Variants in TTC6 observed in about 807,000 individuals in gnomAD.
TTC6 encodes tetratricopeptide repeat domain 6.
TTC6 carries 172 observed loss-of-function variants against 210.4 expected under a neutral mutation model. The ratio of observed to expected loss-of-function variants is 0.82; its 90% confidence interval spans 0.72 to 0.93. The LOEUF (loss-of-function observed/expected upper bound fraction) is 0.93, where lower values mean the gene tolerates loss of function less well. Ranked by LOEUF, TTC6 falls within the 40% of genes least tolerant of loss-of-function variation. TTC6 has a pLI of 0.00. For missense variants in TTC6, 2,414 were observed against 2,318.1 expected (o/e 1.04, Z -0.85); for synonymous variants, 804 against 819.6 (o/e 0.98, Z 0.32).
chr14:37,622,612 G>T, exon 1 of TTC6: 1 of 1,534,876 alleles, frequency 6.5e-7, no homozygotes. Flanking sequence ...CACTTGGGAA[G>T]GGAGCGCGAA....
intron 25 of TTC6, among the ~76,000 whole-genome samples, chr14:37,813,421 G>A (rs1430866554): frequency 1.3e-5 from 2 of 152,186 alleles, no homozygotes; most frequent in Non-Finnish European, 2.9e-5. Context: ...GAGAGAGTGA[G>A]ATAGTGGAGG....
chr14:37,756,106 G>A (rs994978049), intron 14 of TTC6, among the ~76,000 whole-genome samples: 1 of 152,082 alleles, frequency 6.6e-6, no homozygotes, highest in African/African-American at 2.4e-5. Flanking sequence ...TATTCTCTTT[G>A]TAGCAATTGT....
At chr14:37,725,312 G>GTGTATATATA (rs1318506400) in intron 7 of TTC6, among the ~76,000 whole-genome samples, 8 of 33,912 alleles carry the variant, frequency 2.4e-4, no homozygotes, top group East Asian at 1.0e-3. Context: ...GTGTGTGTGT[G>GTGTATATATA]TATATATATA....
At chr14:37,728,745 G>A (rs909446337) in intron 7 of TTC6, among the ~76,000 whole-genome samples, 21 of 151,942 alleles carry the variant, frequency 1.4e-4, no homozygotes, top group African/African-American at 5.1e-4. Context: ...GTTCTCTTTT[G>A]TTAACTCCCT....
At chr14:37,740,424 C>A (rs2095915519) in intron 10 of TTC6, among the ~76,000 whole-genome samples, 1 of 152,068 alleles carries the variant, frequency 6.6e-6, no homozygotes, top group Admixed American at 6.6e-5. Context: ...CCAGACATCA[C>A]AAAATTTATT....
chr14:37,746,459 A>G (rs2095936303), intron 10 of TTC6, among the ~76,000 whole-genome samples: 1 of 152,360 alleles, frequency 6.6e-6, no homozygotes, highest in Non-Finnish European at 1.5e-5. Flanking sequence ...TGCAAGTTCT[A>G]GAACTCCACC....
At chr14:37,821,277 C>A (rs2096156445) in intron 26 of TTC6, among the ~76,000 whole-genome samples, 1 of 152,038 alleles carries the variant, frequency 6.6e-6, no homozygotes, top group African/African-American at 2.4e-5. Flanking sequence ...CCATGTTGGG[C>A]AAGCTGGTCT....
At chr14:37,761,074 C>G (rs575733652) in intron 14 of TTC6, among the ~76,000 whole-genome samples, 2 of 152,276 alleles carry the variant, frequency 1.3e-5, no homozygotes, top group Admixed American at 1.3e-4. Context: ...AAAAAGAACT[C>G]CTGCAGCTAG....
exon 7 of TTC6, chr14:37,724,919 A>T: frequency 6.6e-7 from 1 of 1,525,614 alleles, no homozygotes; most frequent in South Asian, 1.2e-5. Flanking sequence ...TCCAGAATTC[A>T]CGAAGTTGTT....
intron 1 of TTC6, among the ~76,000 whole-genome samples, chr14:37,649,392 C>G (rs182492999): frequency 6.6e-6 from 1 of 152,280 alleles, no homozygotes. Flanking sequence ...CCCTGGGGAG[C>G]TGGGTATAAG....
intron 14 of TTC6, among the ~76,000 whole-genome samples, chr14:37,765,621 T>G (rs1157830843): frequency 1.3e-5 from 2 of 152,142 alleles, no homozygotes; most frequent in Non-Finnish European, 2.9e-5. Context: ...ATTTACCTAT[T>G]CAGTACTTTT....
intron 14 of TTC6, among the ~76,000 whole-genome samples, chr14:37,780,028 A>G (rs2096049771): frequency 1.3e-5 from 2 of 152,236 alleles, no homozygotes; most frequent in Admixed American, 1.3e-4. Flanking sequence ...AAGTTGAAAC[A>G]AATGCAAAAG....
At chr14:37,663,200 G>A (rs2095740942) in intron 1 of TTC6, among the ~76,000 whole-genome samples, 1 of 152,068 alleles carries the variant, frequency 6.6e-6, no homozygotes, top group Admixed American at 6.6e-5. Flanking sequence ...TTCTTGGCAT[G>A]ACTGTTGTTG....
chr14:37,625,730 C>T lies in TTC6; in HGVS notation c.939+2727C>T, dbSNP rs151154108. 2.0e-5 allele frequency among the ~76,000 whole-genome samples: 3 copies of T among 152,208 alleles called. No individual in the cohort carries two copies. In the East Asian group the frequency reaches 5.8e-4, roughly 29 times the overall value. Reference sequence around the variant, plus strand: ...TCTTCCCTTTAGAAATCATAACTTGCAGCCACATAGCAATCCCTAGAGGGA... The same window carrying T: ...TCTTCCCTTTAGAAATCATAACTTGTAGCCACATAGCAATCCCTAGAGGGA... On this transcript the variant is annotated intron_variant, in intron 1 of 30. Coordinates refer to ENST00000553443, the Ensembl canonical transcript of TTC6.
intron 5 of TTC6, among the ~76,000 whole-genome samples, chr14:37,702,460 C>A (rs906373225): frequency 6.6e-6 from 1 of 152,092 alleles, no homozygotes; most frequent in Non-Finnish European, 1.5e-5. Context: ...ACACTGTGCT[C>A]CCCCGACCCA....
At chr14:37,779,369 T>TA (rs2096047717) in intron 14 of TTC6, among the ~76,000 whole-genome samples, 1 of 88,622 alleles carries the variant, frequency 1.1e-5, no homozygotes, top group Non-Finnish European at 2.7e-5. Flanking sequence ...TGCTTAGAAG[T>TA]CTTTTTTTTG....
chr14:37,828,095 G>A (rs1051759803), intron 29 of TTC6, among the ~76,000 whole-genome samples: 1 of 151,772 alleles, frequency 6.6e-6, no homozygotes, highest in Non-Finnish European at 1.5e-5. Flanking sequence ...ACTGGACTGG[G>A]AATAAGAAGA....
chr14:37,621,024 A>G (rs925304974), upstream of TTC6, among the ~76,000 whole-genome samples: 1 of 149,222 alleles, frequency 6.7e-6, no homozygotes, highest in Non-Finnish European at 1.5e-5. Context: ...AAAAGTACAG[A>G]GAGTGGCACT....
intron 1 of TTC6, among the ~76,000 whole-genome samples, chr14:37,632,607 T>C (rs1175073928): frequency 6.6e-6 from 1 of 152,204 alleles, no homozygotes. Flanking sequence ...AGGGACCCAC[T>C]TGAGGAGGCT....
Sources: allele counts gnomAD v4.1 joint callset (sites outside exome capture counted in the v4.1 genomes callset), GRCh38; gene constraint gnomAD v4.1.1; transcripts MANE v1.5; gene names NCBI Gene and HGNC (gene_info 2026-07-23, HGNC 2026-07-21).